The following RYR3 variants were observed in gnomAD, a reference collection of about 807,000 sequenced individuals.
RYR3 encodes ryanodine receptor 3.
RYR3 carries 207 observed loss-of-function variants against 584.3 expected under a neutral mutation model. The ratio of observed to expected loss-of-function variants is 0.35; its 90% CI spans 0.32 to 0.40. The LOEUF (loss-of-function observed/expected upper bound fraction) is 0.40. Ranked by LOEUF, RYR3 falls within the 10% of genes least tolerant of loss-of-function variation. RYR3 has a pLI of 1.00. For synonymous variants in RYR3, 2,416 were observed against 2,248.5 expected (o/e 1.07, Z -2.11); for missense variants, 5,616 against 6,089.2 (o/e 0.92, Z 2.59).
chr15:33,503,505 T>C (rs915535653), intron 2 of RYR3, 126 bp from the exon 3 acceptor site: 4 of 625,798 alleles, frequency 6.4e-6, no homozygotes, highest in Non-Finnish European at 1.1e-5. Flanking sequence ...AGCCACCTTT[T>C]TGCATTCCTA....
intron 38 of RYR3, among the ~76,000 whole-genome samples, chr15:33,681,626 A>G (rs2064626285): frequency 6.6e-6 from 1 of 152,200 alleles, no homozygotes; most frequent in African/African-American, 2.4e-5. Context: ...CCTCCAGAGC[A>G]TTTACAGCAT....
At chr15:33,659,869 GA>G in intron 33 of RYR3, 63 bp downstream of exon 33, 1 of 1,126,586 alleles carries the variant, frequency 8.9e-7, no homozygotes. Context: ...CCATTAGGGG[GA>G]AAATCCCAGG....
intron 1 of RYR3, among the ~76,000 whole-genome samples, chr15:33,372,448 T>A (rs2040407183): frequency 1.4e-5 from 2 of 140,962 alleles, no homozygotes; most frequent in Non-Finnish European, 3.0e-5. Context: ...CACTGCAAGC[T>A]CCACCTCCTG....
chr15:33,409,646 AT>A (rs1596015517), intron 1 of RYR3, among the ~76,000 whole-genome samples: 1 of 152,076 alleles, frequency 6.6e-6, no homozygotes, highest in African/African-American at 2.4e-5. Context: ...TCGTTTTAAA[AT>A]TTTCCCTATT....
intron 38 of RYR3, among the ~76,000 whole-genome samples, chr15:33,687,454 G>A (rs2065094010): frequency 6.6e-6 from 1 of 152,208 alleles, no homozygotes; most frequent in South Asian, 2.1e-4. Context: ...CTCATGGATA[G>A]GAAGAATCAG....
chr15:33,550,071 T>G, intron 9 of RYR3, 89 bp from the exon 10 acceptor site: 1 of 1,353,062 alleles, frequency 7.4e-7, no homozygotes, highest in Non-Finnish European at 1.0e-6. Context: ...GTTATAAGTC[T>G]GCTAGCATGT....
At chr15:33,780,582 T>C (rs1292118449) in intron 65 of RYR3, among the ~76,000 whole-genome samples, 1 of 152,218 alleles carries the variant, frequency 6.6e-6, no homozygotes, top group Non-Finnish European at 1.5e-5. Flanking sequence ...GTGTTGCTGA[T>C]TTTGAAATCC....
At chr15:33,384,178 A>G (rs2041402985) in intron 1 of RYR3, among the ~76,000 whole-genome samples, 1 of 152,166 alleles carries the variant, frequency 6.6e-6, no homozygotes, top group South Asian at 2.1e-4. Flanking sequence ...TGTAAGATAC[A>G]GCTTTTGGAC....
rs763416818 is a variant in RYR3, at chr15:33,311,058, G to C, written c.13G>C (p.Gly5Arg). 6.3e-7 allele frequency: 1 copy of C among 1,583,432 alleles called. No homozygotes were observed. Among genetic ancestry groups the C allele is most frequent in the Non-Finnish European group, 8.6e-7 (1 of 1,166,778 alleles). Residue 5 changes from glycine (G) to arginine (R), a missense_variant, in exon 1 of 104, where the codon GGA (glycine) becomes CGA (arginine). Gly to Arg is a moderately radical substitution (Grantham distance 125). Coordinates refer to ENST00000634891, the MANE Select transcript of RYR3 (RefSeq NM_001036.6). This position sits in a 1 kb window ranked among gnomAD's most constrained non-coding sequence, Gnocchi z 4.4. MAEG[G>R]EGGEDEIQFL... is the part of the protein sequence containing the mutation. ...CGCCTCGGGAGCCATGGCCGAAGGG[G>C]GAGAAGGAGGCGAGGACGAGATCCA...
chr15:33,595,760 A>G (rs2059340565), intron 16 of RYR3, among the ~76,000 whole-genome samples: 1 of 152,216 alleles, frequency 6.6e-6, no homozygotes, highest in Admixed American at 6.5e-5. Context: ...ACTCAATGTT[A>G]CAAGAACTTT....
chr15:33,728,765 G>A, intron 46 of RYR3, 92 bp from the exon 47 acceptor site: 1 of 1,245,510 alleles, frequency 8.0e-7, no homozygotes, highest in Non-Finnish European at 1.1e-6. Flanking sequence ...TCCCTTATAG[G>A]GAGAATAAGC....
chr15:33,636,229 C>A (rs777666531), intron 26 of RYR3, 147 bp from the exon 27 acceptor site: 6 of 718,852 alleles, frequency 8.3e-6, no homozygotes, highest in African/African-American at 1.8e-5. Context: ...TAACATAGAC[C>A]ACTCCTCCTT....
At chr15:33,435,018 C>T in intron 1 of RYR3, among the ~76,000 whole-genome samples, 1 of 152,032 alleles carries the variant, frequency 6.6e-6, no homozygotes, top group Non-Finnish European at 1.5e-5. Context: ...GATGGGGTTT[C>T]ACTGTGTTAG....
At chr15:33,862,638 A>G (rs940305704) in intron 102 of RYR3, among the ~76,000 whole-genome samples, 4 of 151,882 alleles carry the variant, frequency 2.6e-5, no homozygotes, top group African/African-American at 9.7e-5. Context: ...ATTTATTGAG[A>G]CAGTCTCTGT....
At chr15:33,604,035 G>A (rs771254666) in intron 18 of RYR3, among the ~76,000 whole-genome samples, 20 of 152,164 alleles carry the variant, frequency 1.3e-4, no homozygotes, top group South Asian at 2.1e-4. Context: ...GGTGAAAAAC[G>A]CGAGATTAAC....
chr15:33,769,584 A>G (rs1368178803), intron 62 of RYR3, among the ~76,000 whole-genome samples: 1 of 152,196 alleles, frequency 6.6e-6, no homozygotes, highest in Non-Finnish European at 1.5e-5. Context: ...CGTTGATGCC[A>G]TGGCCTAGGG....
rs1555427643 is a variant in RYR3, at chr15:33,725,976, C to CCGCCAAAA, written c.6913-410_6913-409insCGCCAAAA. On this transcript the variant is annotated intron_variant, in intron 45 of 103. Transcript: ENST00000634891. ...CAGAGCAAGACTCCATCCCCCCCCC[C>CCGCCAAAA]AAAAAAAAAAAAAAAAAAAAACAGA... 1.0e-3 allele frequency among the ~76,000 whole-genome samples: 32 copies of CCGCCAAAA among 31,518 alleles called. 6 individuals carry two copies. Among genetic ancestry groups the CCGCCAAAA allele is most frequent in the South Asian group, 1.4e-3 (1 of 712 alleles). The allele number at this position is 31,518 out of a possible 152,430, so 20.7% of individuals were successfully genotyped here.
At chr15:33,563,706 G>A (rs987099804) in intron 11 of RYR3, among the ~76,000 whole-genome samples, 6 of 152,200 alleles carry the variant, frequency 3.9e-5, no homozygotes. Flanking sequence ...AGGAGGCACT[G>A]TGCTCTGTAG....
chr15:33,597,889 T>C (rs540898864), intron 16 of RYR3, among the ~76,000 whole-genome samples: 16 of 151,092 alleles, frequency 1.1e-4, no homozygotes, highest in Admixed American at 3.9e-4. Context: ...TTTATAGATT[T>C]ATAAAGACTC....
Sources: gnomAD v4.1 joint callset for allele counts (sites outside exome capture counted in the v4.1 genomes callset) on GRCh38, gnomAD v4.1.1 for gene constraint, Gnocchi (gnomAD v3.1) non-coding constraint, MANE v1.5 for transcripts, NCBI Gene and HGNC (gene_info 2026-07-23, HGNC 2026-07-21) for gene names.